PCM1: variants seen among roughly 807,000 people sequenced by gnomAD.
PCM1 encodes pericentriolar material 1, also known as pericentriolar material 1 protein.
A neutral mutation model predicts 241.9 loss-of-function variants in PCM1; 157 were observed. The ratio of observed to expected loss-of-function variants is 0.65; its 90% CI spans 0.57 to 0.74. The LOEUF is 0.74. Ranked by LOEUF, PCM1 falls within the 30% of genes least tolerant of loss-of-function variation. The probability of loss-of-function intolerance (pLI) is 0.00; values close to 1 mark genes in which losing one functional copy is unlikely to be tolerated. For synonymous variants in PCM1, 1,085 were observed against 784.9 expected (o/e 1.38, Z -6.39); for missense variants, 3,478 against 2,360.1 (o/e 1.47, Z -9.81).
chr8:17,932,884 C>T (rs926861272), intron 2 of PCM1, among the ~76,000 whole-genome samples: 2 of 152,058 alleles, frequency 1.3e-5, no homozygotes, highest in Non-Finnish European at 2.9e-5. Context: ...GAATTAAGCT[C>T]CAATACCCTA....
rs1429637518 is a variant in PCM1 at position 18,025,434 on chromosome 8, AACTG to A, written c.5918_5921del (p.Leu1973GlnfsTer8). On this transcript the variant is annotated frameshift_variant, in exon 37 of 39. Coordinates refer to ENST00000325083, the MANE Select transcript of PCM1 (RefSeq NM_006197.4). LOFTEE classifies it high-confidence loss of function. ...GTAAAAGTTGAAGATTTACCACTGAAACTGACAATATATTCAGAGGTATTTAGCT... is the reference window on the plus strand; with the variant it reads ...GTAAAAGTTGAAGATTTACCACTGAAACAATATATTCAGAGGTATTTAGCT... 1 of 1,594,872 alleles carries A rather than the reference AACTG, an allele frequency of 6.3e-7. No homozygotes were observed. The highest frequency in any genetic ancestry group is 8.6e-7 in the Non-Finnish European group (1 of 1,164,962).
At chr8:17,965,355 T>G (rs2074423946) in intron 18 of PCM1, among the ~76,000 whole-genome samples, 1 of 152,212 alleles carries the variant, frequency 6.6e-6, no homozygotes, top group African/African-American at 2.4e-5. Flanking sequence ...AATTCACATC[T>G]GGTTGAAAGG....
intron 9 of PCM1, among the ~76,000 whole-genome samples, chr8:17,954,381 C>T (rs1010467686): frequency 6.7e-6 from 1 of 148,796 alleles, no homozygotes; most frequent in Non-Finnish European, 1.5e-5. Flanking sequence ...GAGCCAAGAT[C>T]GTGCCATTGC....
chr8:17,940,994 A>C (rs189506839), intron 6 of PCM1, among the ~76,000 whole-genome samples: 3 of 152,112 alleles, frequency 2.0e-5, no homozygotes, highest in Non-Finnish European at 4.4e-5. Context: ...TTTGTTTCCT[A>C]TTAGTATTGA....
chr8:17,965,167 T>C (rs1467117127), intron 18 of PCM1, among the ~76,000 whole-genome samples: 5 of 152,194 alleles, frequency 3.3e-5, no homozygotes, highest in Admixed American at 2.0e-4. Flanking sequence ...AGTGTGTGGG[T>C]TGGGGAGGTG....
rs375874258 is a variant in PCM1, at chr8:17,947,323, A to G, written c.921A>G (p.Gln307=). 78 of 1,611,200 alleles carry G rather than the reference A, an allele frequency of 4.8e-5. 1 individual carries two copies. Among genetic ancestry groups the G allele is most frequent in the Middle Eastern group, 1.6e-4 (1 of 6,066 alleles). ...GGCAGGCTGCACTTCTAGCTCTGCA[A>G]CATAAAGCAGAGCAAGCTATTGCAG... The part of the protein sequence containing the change: ...QGRQAALLAL[Q]HKAEQAIAVM... Residue 307 remains glutamine (Q), a synonymous_variant, in exon 7 of 39, where the codon CAA becomes CAG. Coordinates refer to ENST00000325083, the MANE Select transcript of PCM1 (RefSeq NM_006197.4).
In PCM1 at chr8:17,953,131, C is replaced by T. The variant is rs1368274609; in HGVS notation, c.1233C>T (p.Asp411=). 3 of 1,592,312 alleles carry T rather than the reference C, an allele frequency of 1.9e-6. No individual in the cohort carries two copies. The highest frequency in any genetic ancestry group is 1.7e-4 in the Middle Eastern group (1 of 6,030). ...RVLQEKKQKM[D]KLLGELHTLR... ...TACAGGAAAAGAAACAAAAAATGGA[C>T]AAATTGCTTGGAGAACTTCATACAC... The change falls in exon 9 of 39, where the codon GAC becomes GAT. Residue 411 remains aspartate (D), a synonymous_variant. Coordinates refer to ENST00000325083, the MANE Select transcript of PCM1 (RefSeq NM_006197.4).
At chr8:18,003,541 C>T (rs938166386) in intron 29 of PCM1, among the ~76,000 whole-genome samples, 17 of 152,160 alleles carry the variant, frequency 1.1e-4, no homozygotes, top group African/African-American at 3.9e-4. Flanking sequence ...GAATTCCTTC[C>T]TCTCTTCACT....
At chr8:17,973,121 G>T (rs1646209190) in intron 23 of PCM1, among the ~76,000 whole-genome samples, 1 of 152,142 alleles carries the variant, frequency 6.6e-6, no homozygotes, top group Admixed American at 6.5e-5. Flanking sequence ...GATAAAACCA[G>T]TTTTAAAACA....
intron 36 of PCM1, among the ~76,000 whole-genome samples, chr8:18,024,536 T>G (rs747935576): frequency 7.2e-5 from 11 of 152,302 alleles, no homozygotes; most frequent in Admixed American, 1.3e-4. Context: ...ACTGGTTAGA[T>G]TTATTCTTAT....
chr8:17,929,443 C>G (rs1177377847), intron 2 of PCM1, among the ~76,000 whole-genome samples: 2 of 152,202 alleles, frequency 1.3e-5, no homozygotes, highest in East Asian at 1.9e-4. Context: ...GCCCAGATTT[C>G]TCTGTTGAGA....
At chr8:17,981,208 G>T (rs2080656889) in intron 24 of PCM1, among the ~76,000 whole-genome samples, 1 of 152,148 alleles carries the variant, frequency 6.6e-6, no homozygotes, top group East Asian at 1.9e-4. Context: ...TTTTCTTTCT[G>T]TGGCACTGAA....
intron 23 of PCM1, among the ~76,000 whole-genome samples, chr8:17,974,335 G>C (rs892053843): frequency 6.6e-6 from 1 of 152,162 alleles, no homozygotes; most frequent in Non-Finnish European, 1.5e-5. Flanking sequence ...TCACAGAGAT[G>C]CTCTTTGTCA....
intron 2 of PCM1, among the ~76,000 whole-genome samples, chr8:17,929,455 A>C (rs1043915189): frequency 6.6e-6 from 1 of 152,172 alleles, no homozygotes; most frequent in Non-Finnish European, 1.5e-5. Flanking sequence ...CTGTTGAGAG[A>C]TAGATCGCTA....
rs1375382721 is a variant in PCM1 at position 18,025,591 on chromosome 8, A to G, written c.5982A>G (p.Leu1994=). The G allele has an allele frequency of 5.7e-6, 9 of 1,586,412 alleles. No homozygotes were observed. The highest frequency in any genetic ancestry group is 2.7e-5 in the African/African-American group (2 of 74,426). The change falls in exon 38 of 39, where the codon TTA becomes TTG. Residue 1994 remains leucine (L), a synonymous_variant. Transcript: ENST00000325083. ...KMVEEEQKNH[L]SGEICEMQTE... ...TAGAAGAAGAACAGAAAAACCATTT[A>G]TCTGGTGAAATATGTGAAATGCAGA...
intron 30 of PCM1, among the ~76,000 whole-genome samples, chr8:18,007,575 A>AT (rs2091677799): frequency 6.6e-6 from 1 of 152,226 alleles, no homozygotes; most frequent in African/African-American, 2.4e-5. Context: ...CAAAGCATTA[A>AT]TTTCTAAAGA....
chr8:17,991,498 G>T, intron 27 of PCM1, 44 bp from the exon 28 acceptor site: 2 of 1,504,082 alleles, frequency 1.3e-6, no homozygotes, highest in Non-Finnish European at 1.8e-6. Flanking sequence ...ATATGAAAAA[G>T]TTCACTTTTA....
chr8:17,955,923 A>C, intron 10 of PCM1: 1 of 441,424 alleles, frequency 2.3e-6, no homozygotes. Context: ...AAATATTTCT[A>C]TATTCAGATG....
chr8:18,025,544 G>T lies in PCM1; in HGVS notation c.5935G>T (p.Ala1979Ser), dbSNP rs200667867. 3.1e-4 allele frequency: 485 copies of T among 1,562,412 alleles called. 1 individual carries two copies. Among genetic ancestry groups the T allele is most frequent in the Non-Finnish European group, 4.0e-4 (458 of 1,144,662 alleles). The change falls in exon 38 of 39, where the codon GCA becomes TCA. Residue 1979 changes from alanine to serine, a missense_variant and splice_region_variant. Ala to Ser is a moderately conservative substitution (Grantham distance 99). Transcript: ENST00000325083. ...TGTATTTTTAATTTTCATTCCAAAGGCAGATCTAAGAAAGAAAATGGTAGA... is the reference window on the plus strand; with the variant it reads ...TGTATTTTTAATTTTCATTCCAAAGTCAGATCTAAGAAAGAAAATGGTAGA... ...LPLKLTIYSEADLRKKMVEEE... is the reference protein window; with the variant it reads ...LPLKLTIYSESDLRKKMVEEE...
Sources: gnomAD v4.1 joint callset for allele counts (sites outside exome capture counted in the v4.1 genomes callset) on GRCh38, gnomAD v4.1.1 for gene constraint, MANE v1.5 for transcripts, NCBI Gene and HGNC (gene_info 2026-07-23, HGNC 2026-07-21) for gene names.